ARL15: variants seen among roughly 807,000 people sequenced by gnomAD.
The protein encoded by ARL15 is ARF like GTPase 15, also known as ADP-ribosylation factor-like protein 15.
In ARL15, 19 loss-of-function variants were observed where a neutral mutation model predicts 25.2. That is an observed-to-expected ratio of 0.75 (90% CI 0.53 to 1.10). ARL15 has a LOEUF of 1.10. ARL15 is among the 50% of genes least tolerant of loss of function. ARL15 has a pLI of 0.00. For synonymous variants in ARL15, 94 were observed against 86.8 expected (o/e 1.08, Z -0.46); for missense variants, 220 against 246.0 (o/e 0.89, Z 0.71).
At chr5:54,231,488 T>C (rs1209306522) in intron 1 of ARL15, among the ~76,000 whole-genome samples, 1 of 152,180 alleles carries the variant, frequency 6.6e-6, no homozygotes, top group East Asian at 1.9e-4. Context: ...AACATTTTGA[T>C]GTCTCACCAA....
At chr5:54,248,273 A>C (rs1206037726) in intron 1 of ARL15, among the ~76,000 whole-genome samples, 1 of 152,154 alleles carries the variant, frequency 6.6e-6, no homozygotes, top group Non-Finnish European at 1.5e-5. Flanking sequence ...CAACAAAACT[A>C]TCTCTTACCA....
intron 4 of ARL15, among the ~76,000 whole-genome samples, chr5:54,054,479 T>G (rs893292025): frequency 6.6e-6 from 1 of 152,126 alleles, no homozygotes; most frequent in East Asian, 1.9e-4. Flanking sequence ...CATTCAACAA[T>G]GTGGATGAGC....
chr5:53,926,114 C>A (rs1746016401), intron 4 of ARL15, among the ~76,000 whole-genome samples: 1 of 150,724 alleles, frequency 6.6e-6, no homozygotes, highest in South Asian at 2.1e-4. Flanking sequence ...CAAACAGAAA[C>A]CACTCCAGTT....
At chr5:54,286,798 T>G (rs1054145633) in intron 1 of ARL15, among the ~76,000 whole-genome samples, 2 of 152,040 alleles carry the variant, frequency 1.3e-5, no homozygotes, top group African/African-American at 4.8e-5. Flanking sequence ...ATTCCTTCAC[T>G]TTTGACCAGG....
intron 4 of ARL15, among the ~76,000 whole-genome samples, chr5:54,050,284 C>G (rs1750664994): frequency 6.6e-6 from 1 of 152,204 alleles, no homozygotes; most frequent in African/African-American, 2.4e-5. Flanking sequence ...GGAATTATTT[C>G]TCAGCTCTGT....
At chr5:54,195,281 A>C (rs1161665930) in intron 1 of ARL15, among the ~76,000 whole-genome samples, 1 of 152,180 alleles carries the variant, frequency 6.6e-6, no homozygotes, top group Non-Finnish European at 1.5e-5. Context: ...ATCATCAATG[A>C]AAATACAGAA....
intron 4 of ARL15, among the ~76,000 whole-genome samples, chr5:54,021,913 T>A (rs1468925876): frequency 6.6e-6 from 1 of 151,806 alleles, no homozygotes; most frequent in Admixed American, 6.5e-5. Flanking sequence ...ACACCTCACC[T>A]AAAGAAGAAT....
chr5:54,161,013 T>C (rs1055161860), intron 2 of ARL15, among the ~76,000 whole-genome samples: 1 of 152,142 alleles, frequency 6.6e-6, no homozygotes, highest in African/African-American at 2.4e-5. Context: ...GTTATTCTTA[T>C]AGTTTTTCTC....
chr5:54,170,111 T>A (rs1236448717), intron 2 of ARL15, among the ~76,000 whole-genome samples: 2 of 152,128 alleles, frequency 1.3e-5, no homozygotes, highest in African/African-American at 4.8e-5. Context: ...AGTTAATAAT[T>A]CCATCATCCA....
intron 3 of ARL15, among the ~76,000 whole-genome samples, chr5:54,117,249 C>T (rs1243005820): frequency 6.6e-6 from 1 of 151,946 alleles, no homozygotes; most frequent in African/African-American, 2.4e-5. Flanking sequence ...AGAGCTTGTC[C>T]CTTGGAAACA....
At position 54,310,554 on chromosome 5, in the gene ARL15, C is replaced by G; in HGVS notation, c.-75G>C. The G allele has an allele frequency of 6.6e-7, 1 of 1,510,362 alleles. No individual in the cohort carries two copies. The highest frequency in any genetic ancestry group is 1.2e-5 in the South Asian group (1 of 82,622). The allele number at this position is 1,510,362 out of a possible 1,614,324, so 93.6% of individuals were successfully genotyped here. A position where few individuals can be genotyped will look rare whatever the true frequency, so the allele number is the denominator to read the frequency against. ...AGCGTCTCTGGCTGCGAGCGAGCAG[C>G]TCCTGAAAAAGCCAGCAACAGCGAA... On this transcript the variant is annotated 5_prime_UTR_variant, in exon 1 of 5. Transcript: ENST00000504924.
chr5:53,886,452 G>T lies in ARL15; in HGVS notation c.*109C>A. 8.2e-7 allele frequency: 1 copy of T among 1,217,714 alleles called. No individual in the cohort carries two copies. Among genetic ancestry groups the T allele is most frequent in the Non-Finnish European group, 1.1e-6 (1 of 893,826 alleles). The allele number at this position is 1,217,714 out of a possible 1,614,324, so 75.4% of individuals were successfully genotyped here. ...AGATGAGAGTCTGAAATGACCAGAG[G>T]AAAATAGATACTGAAGCCAATATAG... is the stretch of plus-strand genomic sequence containing the variant. On this transcript the variant is annotated 3_prime_UTR_variant, in exon 5 of 5. Transcript: ENST00000504924.
chr5:54,217,055 G>A (rs1756228218), intron 1 of ARL15, among the ~76,000 whole-genome samples: 1 of 152,032 alleles, frequency 6.6e-6, no homozygotes, highest in East Asian at 1.9e-4. Context: ...ATTAGGTAAA[G>A]AAATAGGAAA....
At chr5:54,039,662 G>T (rs557607603) in intron 4 of ARL15, among the ~76,000 whole-genome samples, 2 of 151,858 alleles carry the variant, frequency 1.3e-5, no homozygotes, top group South Asian at 4.2e-4. Flanking sequence ...AATTAGATGG[G>T]CTTGGTGGCA....
intron 1 of ARL15, among the ~76,000 whole-genome samples, chr5:54,254,404 C>T (rs760134059): frequency 5.3e-5 from 8 of 152,176 alleles, no homozygotes; most frequent in Non-Finnish European, 1.0e-4. Flanking sequence ...TGAGGTGTCA[C>T]AGGAAGAATG....
At chr5:54,034,563 T>G (rs1289874326) in intron 4 of ARL15, among the ~76,000 whole-genome samples, 1 of 152,218 alleles carries the variant, frequency 6.6e-6, no homozygotes, top group Non-Finnish European at 1.5e-5. Flanking sequence ...ATTTCTACAC[T>G]GTAGGCAGGC....
chr5:54,123,970 T>C (rs148720770), intron 3 of ARL15, among the ~76,000 whole-genome samples: 300 of 152,290 alleles, frequency 2.0e-3, no homozygotes, highest in Non-Finnish European at 3.1e-3. Flanking sequence ...CTTTGAAACA[T>C]TGCCTGAGGT....
intron 1 of ARL15, among the ~76,000 whole-genome samples, chr5:54,216,990 A>G (rs1306329950): frequency 1.3e-5 from 2 of 152,148 alleles, no homozygotes; most frequent in African/African-American, 4.8e-5. Flanking sequence ...AGTTTAAGGT[A>G]AAAACAAAAG....
chr5:53,959,241 A>G (rs1747279530), intron 4 of ARL15, among the ~76,000 whole-genome samples: 1 of 152,236 alleles, frequency 6.6e-6, no homozygotes, highest in Non-Finnish European at 1.5e-5. Flanking sequence ...TCATTTTCAA[A>G]TAAATGTGCT....
Sources: gnomAD v4.1 joint callset for allele counts (sites outside exome capture counted in the v4.1 genomes callset) on GRCh38, gnomAD v4.1.1 for gene constraint, MANE v1.5 for transcripts, NCBI Gene and HGNC (gene_info 2026-07-23, HGNC 2026-07-21) for gene names.